The following ZNF433 variants were observed in gnomAD, a reference collection of about 807,000 sequenced individuals.
The protein encoded by ZNF433 is zinc finger protein 433.
Under a neutral mutation model 10.6 loss-of-function variants are expected in ZNF433, and 12 were observed. The observed-to-expected ratio is 1.13, with a 90% CI of 0.72 to 1.83. ZNF433 has a LOEUF of 1.83. ZNF433 is among the 40% of genes most tolerant of loss of function. ZNF433 has a pLI of 0.00. For synonymous variants in ZNF433, 272 were observed against 271.3 expected, an observed-to-expected ratio of 1.00 and a Z score of -0.02; for missense variants, 737 against 798.0, an observed-to-expected ratio of 0.92 and a Z score of 0.92.
chr19:12,016,943 T>C (rs1328011693), intron 3 of ZNF433, among the ~76,000 whole-genome samples: 3 of 152,236 alleles, frequency 2.0e-5, no homozygotes, highest in Middle Eastern at 3.4e-3. Context: ...GGTTTCACCA[T>C]GTTGGCCAGA....
At chr19:12,029,338 A>T (rs1479888765) in intron 1 of ZNF433, among the ~76,000 whole-genome samples, 3 of 151,938 alleles carry the variant, frequency 2.0e-5, no homozygotes, top group Non-Finnish European at 4.4e-5. Context: ...CCTAGCCAAC[A>T]TGGTGAAACC....
chr19:12,033,532 CAAAAAA>C (rs1394250961), intron 1 of ZNF433, among the ~76,000 whole-genome samples: 3 of 146,426 alleles, frequency 2.0e-5, no homozygotes, highest in Non-Finnish European at 3.0e-5. Flanking sequence ...AAAACAAAAA[CAAAAAA>C]CGGGCCAGGC....
chr19:12,021,062 C>T (rs1005769848), intron 1 of ZNF433, among the ~76,000 whole-genome samples: 9 of 150,780 alleles, frequency 6.0e-5, no homozygotes, highest in Non-Finnish European at 1.2e-4. Flanking sequence ...CTCACTGCAA[C>T]CTCTGCCTCC....
At chr19:12,031,311 CAAAACAAAAAA>C (rs1568341949) in intron 1 of ZNF433, among the ~76,000 whole-genome samples, 5 of 109,840 alleles carry the variant, frequency 4.6e-5, no homozygotes, top group African/African-American at 2.5e-4. Context: ...AAAAAAAAAA[CAAAACAAAAAA>C]AAAAACAAAG....
rs748349857 is a variant in ZNF433 at position 12,015,296 on chromosome 19, T to G, written c.1562A>C (p.His521Pro). 3.8e-5 allele frequency: 62 copies of G among 1,613,964 alleles called. No individual in the cohort carries two copies. The highest frequency in any genetic ancestry group is 5.1e-5 in the Non-Finnish European group (60 of 1,180,036). ...TTTCTCTCCAGTGTGAGTCCTTCCA[T>G]GATATCGAAAGGAGCTCGAACAGTT... ...SFNCSSSFRY[H>P]GRTHTGEKPY... The change falls in exon 4 of 4, where the codon CAT (histidine) becomes CCT (proline). Residue 521 changes from histidine (H) to proline (P), a missense_variant. By Grantham distance (77) the His-to-Pro change is moderately conservative. Transcript: ENST00000550507.
Position 12,018,188 on chromosome 19 carries a change from G to C in ZNF433, c.108C>G (p.Thr36=). The stretch of plus-strand genomic sequence containing the variant: ...TACCTATAGAGGCCAGGTTCCTGAA[G>C]GTTTCTTGCATCACATCTCTACAGA... The part of the protein sequence containing the change: ...KNLCRDVMQE[T]FRNLASIGKK... The change falls in exon 2 of 4, where the codon ACC becomes ACG. Residue 36 remains threonine (T), a synonymous_variant. Coordinates refer to ENST00000550507, the MANE Select transcript of ZNF433 (RefSeq NM_001308348.2). 1 of 1,604,046 alleles carries C rather than the reference G, an allele frequency of 6.2e-7. No homozygotes were observed. Among genetic ancestry groups the C allele is most frequent in the Non-Finnish European group, 8.5e-7 (1 of 1,176,864 alleles).
intron 1 of ZNF433, among the ~76,000 whole-genome samples, chr19:12,033,639 A>G (rs898663889): frequency 2.6e-5 from 4 of 152,016 alleles, no homozygotes; most frequent in Non-Finnish European, 5.9e-5. Context: ...TGGCTAACAC[A>G]GTGAAACCCC....
intron 1 of ZNF433, chr19:12,018,509 ATG>A (rs1363166517): frequency 1.6e-5 from 7 of 442,798 alleles, no homozygotes; most frequent in Non-Finnish European, 2.5e-5. Flanking sequence ...GAATAGGAAA[ATG>A]TGTATTTTTG....
chr19:12,018,163 T>A lies in ZNF433; in HGVS notation c.130+3A>T. 3.8e-6 allele frequency: 6 copies of A among 1,579,136 alleles called. No homozygotes were observed. Among genetic ancestry groups the A allele is most frequent in the Non-Finnish European group, 5.1e-6 (6 of 1,169,070 alleles). On this transcript the variant is annotated splice_donor_region_variant and intron_variant, in intron 2 of 3. Transcript: ENST00000550507. Reference sequence around the variant, plus strand: ...CTGAAGGAAGTAATGTTGTCACCCTTACCTATAGAGGCCAGGTTCCTGAAG... The same window carrying A: ...CTGAAGGAAGTAATGTTGTCACCCTAACCTATAGAGGCCAGGTTCCTGAAG...
In ZNF433 at chr19:12,015,899, C is replaced by G; in HGVS notation, c.959G>C (p.Ser320Thr). The change falls in exon 4 of 4, where the codon AGT (serine) becomes ACT (threonine). Residue 320 changes from serine (S) to threonine (T), a missense_variant. Coordinates refer to ENST00000550507, the MANE Select transcript of ZNF433 (RefSeq NM_001308348.2). ...KECGKAFKCP[S>T]SVRRHERTHS... ...GGTTCTTTCATGTCTGCGAACAGAA[C>G]TGGGACACTTGAATGCTTTTCCACA... 1 of 1,613,630 alleles carries G rather than the reference C, an allele frequency of 6.2e-7. No homozygotes were observed. The highest frequency in any genetic ancestry group is 1.1e-5 in the South Asian group (1 of 91,040).
chr19:12,031,305 A>AAC lies in ZNF433; in HGVS notation c.3+4231_3+4232insGT, dbSNP rs1347057182. On this transcript the variant is annotated intron_variant, in intron 1 of 3. Transcript: ENST00000550507. ...GTGAGACTCCATCTCAAAAAAAAAA[A>AAC]AAAAACAAAACAAAAAAAAAAACAA... Among the ~76,000 whole-genome samples the AAC allele has an allele frequency of 6.7e-4, 87 of 130,670 alleles. 2 individuals are homozygous for AAC. Among genetic ancestry groups the AAC allele is most frequent in the African/African-American group, 3.7e-3 (85 of 22,788 alleles). The allele number at this position is 130,670 out of a possible 152,430, so 85.7% of individuals were successfully genotyped here. A position where few individuals can be genotyped will look rare whatever the true frequency, so the allele number is the denominator to read the frequency against.
At position 12,015,049 on chromosome 19, in the gene ZNF433, T is replaced by G. The variant is rs1308567414; in HGVS notation, c.1809A>C (p.Gln603His). The G allele has an allele frequency of 3.7e-6, 6 of 1,613,992 alleles. No homozygotes were observed. The highest frequency in any genetic ancestry group is 5.1e-6 in the Non-Finnish European group (6 of 1,179,958). The change falls in exon 4 of 4, where the codon CAA becomes CAC. Residue 603 changes from glutamine (Q) to histidine (H), a missense_variant. Gln to His is a conservative substitution (Grantham distance 24). Transcript: ENST00000550507. Reference sequence around the variant, plus strand: ...CTCCAGTGTGAGTCCTTCCATGCATTTGAAGTCGCGAGGCACATCCAAAAG... The same window carrying G: ...CTCCAGTGTGAGTCCTTCCATGCATGTGAAGTCGCGAGGCACATCCAAAAG... The part of the protein sequence containing the change: ...GKSFGCASRL[Q>H]MHGRTHTGEK...
chr19:12,027,277 C>T (rs1049943226), intron 1 of ZNF433: 29 of 331,862 alleles, frequency 8.7e-5, no homozygotes, highest in African/African-American at 6.0e-4. Flanking sequence ...ATCCCAACTC[C>T]TGCGAGATGT....
At position 12,034,769 on chromosome 19, in the gene ZNF433, C is replaced by T. The variant is rs1476277238; in HGVS notation, c.3+768G>A. 12 of 453,748 alleles carry T rather than the reference C, an allele frequency of 2.6e-5. No individual in the cohort carries two copies. The Admixed American group carries it at 2.8e-4, about 11-fold the overall frequency. 28.1% of individuals were successfully genotyped at this position (453,748 alleles called of 1,614,324 possible). A position where few individuals can be genotyped will look rare whatever the true frequency, so the allele number is the denominator to read the frequency against. ...ACGGCCACCTTCAGAATCCCTCAAC[C>T]ACCTGCACCTTCTAACCCCCCTTCC... is the stretch of plus-strand genomic sequence containing the variant. On this transcript the variant is annotated intron_variant, in intron 1 of 3. Coordinates refer to ENST00000550507, the MANE Select transcript of ZNF433 (RefSeq NM_001308348.2).
chr19:12,015,228 A>G lies in ZNF433; in HGVS notation c.1630T>C (p.Ser544Pro), dbSNP rs933907333. The G allele has an allele frequency of 1.9e-6, 3 of 1,612,382 alleles. No homozygotes were observed. The African/African-American group carries it at 4.0e-5, about 22-fold the overall frequency. The change falls in exon 4 of 4, where the codon TCA (serine) becomes CCA (proline). Residue 544 changes from serine (S) to proline (P), a missense_variant. By Grantham distance (74) the Ser-to-Pro change is moderately conservative (BLOSUM62 -1). Coordinates refer to ENST00000550507, the MANE Select transcript of ZNF433 (RefSeq NM_001308348.2). ...KQCGKAFRSA[S>P]QLQIHGRTHT... ...GTCCTTCCATGAATTTGAAGCTGTG[A>G]GGCAGATCTGAAGGCTTTTCCACAT...
chr19:12,017,910 A>T lies in ZNF433; in HGVS notation c.157T>A (p.Tyr53Asn). ...IGKKWKPQNI[Y>N]VEYENLRRNL... ...CTCCTTAGATTTTCGTACTCTACAT[A>T]TATGTTCTGGGGTTTCCATTTTTTC... is the stretch of plus-strand genomic sequence containing the variant. Residue 53 changes from tyrosine (Y) to asparagine (N), a missense_variant, in exon 3 of 4, where the codon TAT becomes AAT. Coordinates refer to ENST00000550507, the MANE Select transcript of ZNF433 (RefSeq NM_001308348.2). 6.3e-7 allele frequency: 1 copy of T among 1,594,238 alleles called. No individual in the cohort carries two copies. The highest frequency in any genetic ancestry group is 8.5e-7 in the Non-Finnish European group (1 of 1,174,594).
intron 1 of ZNF433, among the ~76,000 whole-genome samples, chr19:12,019,285 G>A (rs1397539003): frequency 3.3e-5 from 5 of 151,986 alleles, no homozygotes; most frequent in Non-Finnish European, 7.4e-5. Flanking sequence ...GCCAGGCATG[G>A]TGGTATGCAC....
intron 1 of ZNF433, among the ~76,000 whole-genome samples, chr19:12,020,835 C>A (rs1352171433): frequency 6.7e-6 from 1 of 149,718 alleles, no homozygotes; most frequent in Non-Finnish European, 1.5e-5. Context: ...ACCAGGGAGG[C>A]GGAGGTTGCT....
rs145945929 is a variant in ZNF433, at chr19:12,035,641, C to A, written c.-102G>T. 14,049 of 1,480,176 alleles carry A rather than the reference C, an allele frequency of 9.5e-3. 76 individuals carry two copies. Among genetic ancestry groups the A allele is most frequent in the Middle Eastern group, 0.012 (70 of 5,776 alleles). 91.7% of individuals were successfully genotyped at this position (1,480,176 alleles called of 1,614,324 possible). A position where few individuals can be genotyped will look rare whatever the true frequency, so the allele number is the denominator to read the frequency against. ...AACCCTCTCGGAGGGGAAAGCCAGG[C>A]TCCCAACCTCAGCTCGCCGCCTGGA... On this transcript the variant is annotated 5_prime_UTR_variant, in exon 1 of 4. Transcript: ENST00000550507.
Sources: gnomAD v4.1 joint callset for allele counts (sites outside exome capture counted in the v4.1 genomes callset) on GRCh38, gnomAD v4.1.1 for gene constraint, MANE v1.5 for transcripts, NCBI Gene and HGNC (gene_info 2026-07-23, HGNC 2026-07-21) for gene names.